The following ANKRD24 variants were observed in gnomAD, a reference collection of about 807,000 sequenced individuals.
ANKRD24 encodes the protein ankyrin repeat domain 24.
In ANKRD24, 109 loss-of-function variants were observed where a neutral mutation model predicts 127.8. The ratio of observed to expected loss-of-function variants is 0.85; its 90% CI spans 0.73 to 1.00. The LOEUF (loss-of-function observed/expected upper bound fraction) is 1.00. Among genes scored for constraint, ANKRD24 ranks in the 50% least tolerant of loss-of-function variants. The probability of loss-of-function intolerance (pLI) is 0.00; values close to 1 mark genes in which losing one functional copy is unlikely to be tolerated. For synonymous variants in ANKRD24, 743 were observed against 671.1 expected, an observed-to-expected ratio of 1.11 and a Z score of -1.66; for missense variants, 1,648 against 1,570.2, an observed-to-expected ratio of 1.05 and a Z score of -0.84.
chr19:4,188,903 G>A (rs997814154), intron 2 of ANKRD24, among the ~76,000 whole-genome samples: 1 of 152,102 alleles, frequency 6.6e-6, no homozygotes, highest in African/African-American at 2.4e-5. Context: ...TGCCTCCTGA[G>A]TTCAAGCAAT....
intron 18 of ANKRD24, 121 bp downstream of exon 18, chr19:4,218,284 T>TTTATTTATTTA (rs1441304462): frequency 3.6e-6 from 2 of 558,506 alleles, no homozygotes; most frequent in Non-Finnish European, 2.5e-6. Flanking sequence ...CCTACTTTAT[T>TTTATTTATTTA]TTATTTATTT....
At position 4,217,198 on chromosome 19, in the gene ANKRD24, A is replaced by C; in HGVS notation, c.2038A>C (p.Thr680Pro). 6.2e-7 allele frequency: 1 copy of C among 1,609,190 alleles called. No homozygotes were observed. The highest frequency in any genetic ancestry group is 8.5e-7 in the Non-Finnish European group (1 of 1,177,252). Residue 680 changes from threonine (T) to proline (P), a missense_variant, in exon 18 of 22, where the codon ACA (threonine) becomes CCA (proline). Coordinates refer to ENST00000318934, the MANE Select transcript of ANKRD24 (RefSeq NM_001393985.1). ...TNMEATGSRATGMESTGVSAT... is the reference protein window; with the variant it reads ...TNMEATGSRAPGMESTGVSAT... ...CATGGAGGCCACGGGCTCTAGGGCC[A>C]CAGGGATGGAATCCACAGGAGTCAG...
chr19:4,212,195 A>T (rs1969778675), intron 13 of ANKRD24, among the ~76,000 whole-genome samples: 2 of 152,114 alleles, frequency 1.3e-5, no homozygotes, highest in South Asian at 4.1e-4. Flanking sequence ...GTGAGATTCC[A>T]TCTCAAAAAA....
intron 7 of ANKRD24, among the ~76,000 whole-genome samples, chr19:4,205,586 G>C (rs1026200045): frequency 1.3e-5 from 2 of 152,196 alleles, no homozygotes; most frequent in Non-Finnish European, 2.9e-5. Flanking sequence ...AGTGGTGCAC[G>C]CCTGTAATCC....
chr19:4,213,226 CTT>C, intron 15 of ANKRD24, among the ~76,000 whole-genome samples: 1 of 94,170 alleles, frequency 1.1e-5, no homozygotes, highest in African/African-American at 4.2e-5. Context: ...CTTCTCCTTC[CTT>C]CCTTCCCTCC....
At position 4,223,384 on chromosome 19, in the gene ANKRD24, T is replaced by C. The variant is rs1221319547; in HGVS notation, c.3297+589T>C. 8.8e-5 allele frequency among the ~76,000 whole-genome samples: 7 copies of C among 79,410 alleles called. 1 individual carries two copies. Among genetic ancestry groups the C allele is most frequent in the African/African-American group, 3.9e-4 (6 of 15,338 alleles). 52.1% of individuals were successfully genotyped at this position (79,410 alleles called of 152,430 possible). A position where few individuals can be genotyped will look rare whatever the true frequency, so the allele number is the denominator to read the frequency against. ...GTGCCTGGCCATACATATATATATATATATATATATATATATATTTTTTTT... is the reference window on the plus strand; with the variant it reads ...GTGCCTGGCCATACATATATATATACATATATATATATATATATTTTTTTT... On this transcript the variant is annotated intron_variant, in intron 20 of 21. Coordinates refer to ENST00000318934, the MANE Select transcript of ANKRD24 (RefSeq NM_001393985.1).
intron 19 of ANKRD24, among the ~76,000 whole-genome samples, chr19:4,222,234 G>C (rs1970480050): frequency 6.6e-6 from 1 of 152,062 alleles, no homozygotes; most frequent in Admixed American, 6.6e-5. Context: ...ACTAAAAATA[G>C]AAACATTAGC....
chr19:4,220,171 T>C (rs1970366005), intron 19 of ANKRD24, among the ~76,000 whole-genome samples: 1 of 151,940 alleles, frequency 6.6e-6, no homozygotes. Flanking sequence ...TGGGGTTTCG[T>C]CACGTTGGCC....
chr19:4,194,563 A>G (rs1418313669), intron 2 of ANKRD24, among the ~76,000 whole-genome samples: 1 of 152,178 alleles, frequency 6.6e-6, no homozygotes. Flanking sequence ...CTCTACGGAA[A>G]CAGGCAGTGG....
At chr19:4,183,321 C>A in intron 1 of ANKRD24, 7 of 986,386 alleles carry the variant, frequency 7.1e-6, no homozygotes, top group Non-Finnish European at 8.4e-6. Context: ...CTGCATTCTG[C>A]AGGACAGGTC....
Position 4,224,000 on chromosome 19 carries a change from A to G in ANKRD24, c.3298-127A>G, listed in dbSNP as rs144231704. 5.8e-3 allele frequency: 4,167 copies of G among 713,924 alleles called. 124 individuals are homozygous for G. The African/African-American group carries it at 0.066, about 11-fold the overall frequency. 44.2% of individuals were successfully genotyped at this position (713,924 alleles called of 1,614,324 possible). A position where few individuals can be genotyped will look rare whatever the true frequency, so the allele number is the denominator to read the frequency against. ...CAAATGTATGCCACTATGCCCCGCC[A>G]TATTTTCATATTTTAGCAGTCGGCC... is the stretch of plus-strand genomic sequence containing the variant. On this transcript the variant is annotated intron_variant, in intron 20 of 21. Coordinates refer to ENST00000318934, the MANE Select transcript of ANKRD24 (RefSeq NM_001393985.1).
rs777332075 is a variant in ANKRD24 at position 4,217,991 on chromosome 19, G to T, written c.2831G>T (p.Gly944Val). 1.3e-5 allele frequency: 20 copies of T among 1,529,048 alleles called. No homozygotes were observed. Among genetic ancestry groups the T allele is most frequent in the Non-Finnish European group, 1.7e-5 (20 of 1,145,786 alleles). The allele number at this position is 1,529,048 out of a possible 1,614,324, so 94.7% of individuals were successfully genotyped here. A position where few individuals can be genotyped will look rare whatever the true frequency, so the allele number is the denominator to read the frequency against. Residue 944 changes from glycine (G) to valine (V), a missense_variant, in exon 18 of 22, where the codon GGC (glycine) becomes GTC (valine). Gly to Val is a moderately radical substitution (Grantham distance 109). Transcript: ENST00000318934. The stretch of plus-strand genomic sequence containing the variant: ...CTGGAGCAGGAGGTGGTGGCCACGG[G>T]CAAGGAGGCCGCCCGGCTGCGCGCG... ...ASLEQEVVAT[G>V]KEAARLRAEL...
In ANKRD24 at chr19:4,217,105, G is replaced by A. The variant is rs1292485611; in HGVS notation, c.1945G>A (p.Glu649Lys). 6.2e-7 allele frequency: 1 copy of A among 1,613,834 alleles called. No individual in the cohort carries two copies. The highest frequency in any genetic ancestry group is 8.5e-7 in the Non-Finnish European group (1 of 1,179,872). The change falls in exon 18 of 22, where the codon GAA becomes AAA. Residue 649 changes from glutamate to lysine, a missense_variant. Transcript: ENST00000318934. ...GGAGGCCACAAAAACAAAAGCAGAG[G>A]AAGCAGAAATGCAGGCCTACGGAGT... ...GVEATKTKAE[E>K]AEMQAYGVGA... is the part of the protein sequence containing the mutation.
Position 4,217,651 on chromosome 19 carries a change from G to C in ANKRD24, c.2491G>C (p.Gly831Arg), listed in dbSNP as rs1160871466. 18 of 1,285,092 alleles carry C rather than the reference G, an allele frequency of 1.4e-5. No homozygotes were observed. In the East Asian group the frequency reaches 5.7e-4, roughly 40 times the overall value. 79.6% of individuals were successfully genotyped at this position (1,285,092 alleles called of 1,614,324 possible). Reference sequence around the variant, plus strand: ...GCTGCTGGCGGAGGAGGAGGCGCGGGGCCTGCGGGCCGAGCTGGCCCAGCG... The same window carrying C: ...GCTGCTGGCGGAGGAGGAGGCGCGGCGCCTGCGGGCCGAGCTGGCCCAGCG... ...SRLLAEEEAR[G>R]LRAELAQREE... is the part of the protein sequence containing the mutation. Residue 831 changes from glycine (G) to arginine (R), a missense_variant, in exon 18 of 22, where the codon GGC (glycine) becomes CGC (arginine). Gly to Arg is a moderately radical substitution (Grantham distance 125). Coordinates refer to ENST00000318934, the MANE Select transcript of ANKRD24 (RefSeq NM_001393985.1).
intron 1 of ANKRD24, among the ~76,000 whole-genome samples, chr19:4,185,002 G>A (rs1379211062): frequency 1.4e-5 from 2 of 145,966 alleles, no homozygotes; most frequent in Admixed American, 6.8e-5. Flanking sequence ...ATGGATTGGT[G>A]GTTGGGTGGG....
chr19:4,196,862 G>C (rs1568318938), intron 2 of ANKRD24, among the ~76,000 whole-genome samples: 1 of 152,152 alleles, frequency 6.6e-6, no homozygotes, highest in Non-Finnish European at 1.5e-5. Context: ...CAGGCACTGG[G>C]GACGCTACAG....
At chr19:4,221,441 G>A (rs913528282) in intron 19 of ANKRD24, among the ~76,000 whole-genome samples, 1 of 151,856 alleles carries the variant, frequency 6.6e-6, no homozygotes, top group African/African-American at 2.4e-5. Flanking sequence ...TATTGCCCAG[G>A]TTGGTCTCAA....
At position 4,210,391 on chromosome 19, in the gene ANKRD24, T is replaced by C. The variant is rs1417266795; in HGVS notation, c.1059+19T>C. On this transcript the variant is annotated intron_variant, in intron 13 of 21. Coordinates refer to ENST00000318934, the MANE Select transcript of ANKRD24 (RefSeq NM_001393985.1). ...GCAGGAGGTTAGGAGGCCTCGGAGA[T>C]TTGGGCGTGGGCCAGCCTGGGTGGG... is the stretch of plus-strand genomic sequence containing the variant. The C allele has an allele frequency of 6.8e-7, 1 of 1,461,562 alleles. No homozygotes were observed. The highest frequency in any genetic ancestry group is 2.4e-5 in the Admixed American group (1 of 41,044). The allele number at this position is 1,461,562 out of a possible 1,614,324, so 90.5% of individuals were successfully genotyped here. A position where few individuals can be genotyped will look rare whatever the true frequency, so the allele number is the denominator to read the frequency against.
At chr19:4,212,422 G>T (rs1969791423) in intron 13 of ANKRD24, 53 bp from the exon 14 acceptor site, 2 of 1,551,454 alleles carry the variant, frequency 1.3e-6, no homozygotes, top group African/African-American at 2.7e-5. Context: ...AGGAGGTGGG[G>T]CAGGGAGGCC....
Sources: gnomAD v4.1 joint callset for allele counts (sites outside exome capture counted in the v4.1 genomes callset) on GRCh38, gnomAD v4.1.1 for gene constraint, MANE v1.5 for transcripts, NCBI Gene and HGNC (gene_info 2026-07-23, HGNC 2026-07-21) for gene names.